The following CPED1 variants were observed in gnomAD, a reference collection of about 807,000 sequenced individuals.
CPED1 encodes cadherin-like and PC-esterase domain-containing protein 1.
In CPED1, 114 loss-of-function variants were observed where a neutral mutation model predicts 128.2. That is an observed-to-expected ratio of 0.89 (90% confidence interval 0.76 to 1.04). CPED1 has a LOEUF of 1.04. Among genes scored for constraint, CPED1 ranks in the 50% least tolerant of loss-of-function variants. CPED1 has a pLI of 0.00. For synonymous variants in CPED1, 462 were observed against 426.7 expected (o/e 1.08, Z -1.02); for missense variants, 1,211 against 1,207.1 (o/e 1.00, Z -0.05).
chr7:121,099,898 C>T (rs1794801497), intron 6 of CPED1, 28 bp from the exon 7 acceptor site: 5 of 1,540,332 alleles, frequency 3.2e-6, no homozygotes, highest in African/African-American at 1.8e-5. Context: ...CATTATGGAG[C>T]GCTAACTATG....
In CPED1 at chr7:121,115,455, T is replaced by A. The variant is rs191062046; in HGVS notation, c.919-8876T>A. Among the ~76,000 whole-genome samples the A allele has an allele frequency of 2.4e-3, 368 of 152,306 alleles. 1 individual carries two copies. Among genetic ancestry groups the A allele is most frequent in the South Asian group, 8.9e-3 (43 of 4,808 alleles). ...TTGTACAACCAGAACTGATTTTTTTTATAATGAATACATTTCCTTTTCTTT... is the reference window on the plus strand; with the variant it reads ...TTGTACAACCAGAACTGATTTTTTTAATAATGAATACATTTCCTTTTCTTT... On this transcript the variant is annotated intron_variant, in intron 7 of 22. Transcript: ENST00000310396.
At chr7:121,232,166 G>A (rs968609549) in intron 16 of CPED1, among the ~76,000 whole-genome samples, 4 of 152,142 alleles carry the variant, frequency 2.6e-5, no homozygotes, top group South Asian at 2.1e-4. Context: ...TACAGAGAAA[G>A]AGGGCAAGTT....
intron 7 of CPED1, among the ~76,000 whole-genome samples, chr7:121,118,338 G>A (rs1386611985): frequency 1.3e-5 from 2 of 152,084 alleles, no homozygotes; most frequent in South Asian, 4.2e-4. Flanking sequence ...TGAGGCAGGT[G>A]GATCATGAGG....
At chr7:121,046,373 T>C (rs892967102) in intron 3 of CPED1, among the ~76,000 whole-genome samples, 1 of 152,144 alleles carries the variant, frequency 6.6e-6, no homozygotes, top group Admixed American at 6.6e-5. Context: ...CACTTTCTTT[T>C]ATGGAACATC....
chr7:121,192,875 G>A (rs923602117), intron 16 of CPED1, among the ~76,000 whole-genome samples: 2 of 152,006 alleles, frequency 1.3e-5, no homozygotes, highest in African/African-American at 2.4e-5. Flanking sequence ...GTTTTCTGTT[G>A]AGGAGAAGCA....
chr7:121,245,122 C>G (rs1798495103), intron 18 of CPED1, among the ~76,000 whole-genome samples: 1 of 151,996 alleles, frequency 6.6e-6, no homozygotes, highest in South Asian at 2.1e-4. Flanking sequence ...CTGATTTTCA[C>G]AAAGCTCTAT....
intron 18 of CPED1, among the ~76,000 whole-genome samples, chr7:121,253,748 C>T (rs1554358272): frequency 6.6e-6 from 1 of 151,418 alleles, no homozygotes; most frequent in African/African-American, 2.4e-5. Context: ...ACCATACAAA[C>T]AAAAAAGAGC....
intron 5 of CPED1, among the ~76,000 whole-genome samples, chr7:121,075,491 A>G (rs931170741): frequency 1.3e-5 from 2 of 152,002 alleles, no homozygotes; most frequent in Non-Finnish European, 2.9e-5. Context: ...TTTTTGAGGC[A>G]GAGTCTTGTT....
At chr7:121,049,477 C>T (rs62470955) in intron 4 of CPED1, among the ~76,000 whole-genome samples, 12,923 of 152,212 alleles carry the variant, frequency 0.085, 1,164 homozygotes, top group African/African-American at 0.22. Context: ...CCCATTGGTC[C>T]GAGCTAACTG....
chr7:121,118,872 A>G (rs1207481943), intron 7 of CPED1, among the ~76,000 whole-genome samples: 1 of 152,052 alleles, frequency 6.6e-6, no homozygotes. Context: ...TCTCCTGAGA[A>G]CTCATTCACA....
intron 3 of CPED1, among the ~76,000 whole-genome samples, chr7:121,037,771 T>C (rs1792937377): frequency 6.6e-6 from 1 of 152,204 alleles, no homozygotes; most frequent in South Asian, 2.1e-4. Context: ...TCCATGAGCA[T>C]GGGATGTGTT....
chr7:121,283,840 CT>C (rs1228234977), intron 22 of CPED1, among the ~76,000 whole-genome samples: 1 of 152,216 alleles, frequency 6.6e-6, no homozygotes, highest in African/African-American at 2.4e-5. Context: ...GCACAACTGT[CT>C]GTGCAGAGCC....
intron 18 of CPED1, among the ~76,000 whole-genome samples, chr7:121,250,743 A>T (rs1798652495): frequency 6.6e-6 from 1 of 152,156 alleles, no homozygotes; most frequent in Non-Finnish European, 1.5e-5. Context: ...TCCTCAACAC[A>T]TACACCCTCC....
At chr7:121,006,071 A>C (rs1792005836) in intron 2 of CPED1, among the ~76,000 whole-genome samples, 1 of 152,174 alleles carries the variant, frequency 6.6e-6, no homozygotes. Context: ...GGTCGACCGC[A>C]TGATGCTTAG....
intron 3 of CPED1, among the ~76,000 whole-genome samples, chr7:121,030,308 A>G (rs964502167): frequency 1.3e-5 from 2 of 152,242 alleles, no homozygotes; most frequent in African/African-American, 4.8e-5. Flanking sequence ...TTTATTGAGT[A>G]CAGTATTCCT....
chr7:121,261,498 C>A (rs1792015527), intron 18 of CPED1: 2 of 1,294,280 alleles, frequency 1.5e-6, no homozygotes, highest in South Asian at 2.6e-5. Context: ...GACTATATTT[C>A]TCAGTGTCTC....
chr7:121,011,941 A>G (rs1178137957), intron 2 of CPED1, among the ~76,000 whole-genome samples: 3 of 152,208 alleles, frequency 2.0e-5, no homozygotes, highest in Admixed American at 1.3e-4. Context: ...AACATAATTT[A>G]TTGGTGAGAC....
At chr7:121,000,499 A>G (rs2116759704) in intron 2 of CPED1, among the ~76,000 whole-genome samples, 1 of 152,306 alleles carries the variant, frequency 6.6e-6, no homozygotes, top group South Asian at 2.1e-4. Flanking sequence ...TAGATGGATT[A>G]AAATAATTAT....
Position 121,214,370 on chromosome 7 carries a change from G to A in CPED1, c.2056-22344G>A, listed in dbSNP as rs144468574. 2.6e-3 allele frequency among the ~76,000 whole-genome samples: 400 copies of A among 152,162 alleles called. 1 individual carries two copies. The highest frequency in any genetic ancestry group is 0.017 in the Middle Eastern group (5 of 294). ...TGTAGTGGTGCAATCTTGGCTTACT[G>A]CAACCTCCGCCTCACAAGATCAAGG... is the stretch of plus-strand genomic sequence containing the variant. On this transcript the variant is annotated intron_variant, in intron 16 of 22. Coordinates refer to ENST00000310396, the MANE Select transcript of CPED1 (RefSeq NM_024913.5).
Sources: gnomAD v4.1 joint callset for allele counts (sites outside exome capture counted in the v4.1 genomes callset) on GRCh38, gnomAD v4.1.1 for gene constraint, MANE v1.5 for transcripts, NCBI Gene and HGNC (gene_info 2026-07-23, HGNC 2026-07-21) for gene names.